FOXF2: variants seen among roughly 807,000 people sequenced by gnomAD.
FOXF2 encodes the protein forkhead box F2.
Under a neutral mutation model 29.1 loss-of-function variants are expected in FOXF2, and 15 were observed. That is an observed-to-expected ratio of 0.52 (90% CI 0.35 to 0.79). FOXF2 has a LOEUF of 0.79. Ranked by LOEUF, FOXF2 falls within the 30% of genes least tolerant of loss-of-function variation. FOXF2 has a pLI of 0.01. For missense variants in FOXF2, 675 were observed against 667.1 expected (o/e 1.01, Z -0.13); for synonymous variants, 337 against 316.5 (o/e 1.06, Z -0.69).
Position 1,390,845 on chromosome 6 carries a change from G to A in FOXF2, c.898G>A (p.Ala300Thr). ...CGCGGGACCCGGGGGCGTCGGTGCG[G>A]CCGGGGGCGGCGGCGGCGGCGACTA... ...VPAGPGGVGAAGGGGGGDYGP... is the reference protein window; with the variant it reads ...VPAGPGGVGATGGGGGGDYGP... The change falls in exon 1 of 2, where the codon GCC becomes ACC. Residue 300 changes from alanine to threonine, a missense_variant. Physicochemically the swap from Ala to Thr is moderately conservative, Grantham distance 58. This residue lies in a region of FOXF2 where 451 missense variants were observed against 437.2 expected (regional missense o/e 1.03). Transcript: ENST00000645481. The surrounding 1 kb of genome is among the most constrained non-coding windows in gnomAD (Gnocchi z 8.5). The A allele has an allele frequency of 2.2e-6, 3 of 1,389,368 alleles. No homozygotes were observed. Among genetic ancestry groups the A allele is most frequent in the Non-Finnish European group, 2.8e-6 (3 of 1,089,320 alleles). The allele number at this position is 1,389,368 out of a possible 1,614,324, so 86.1% of individuals were successfully genotyped here.
chr6:1,395,191 AAGC>A lies in FOXF2; in HGVS notation c.*335_*337del, dbSNP rs920327986. The A allele has an allele frequency of 1.1e-5, 4 of 373,564 alleles. No individual in the cohort carries two copies. Among genetic ancestry groups the A allele is most frequent in the African/African-American group, 4.1e-5 (2 of 48,908 alleles). The allele number at this position is 373,564 out of a possible 1,614,324, so 23.1% of individuals were successfully genotyped here. A position where few individuals can be genotyped will look rare whatever the true frequency, so the allele number is the denominator to read the frequency against. ...GCCTTCAGTAATCAGGGTGTGAAAA[AAGC>A]AGACAAGTTGTGTGTGTGTGTGTGT... On this transcript the variant is annotated 3_prime_UTR_variant, in exon 2 of 2. Coordinates refer to ENST00000645481, the MANE Select transcript of FOXF2 (RefSeq NM_001452.2).
chr6:1,391,288 C>T (rs940949249), intron 1 of FOXF2, among the ~76,000 whole-genome samples, 170 bp downstream of exon 1: 3 of 152,218 alleles, frequency 2.0e-5, no homozygotes, highest in Non-Finnish European at 4.4e-5. Context: ...GAGCAGGGAT[C>T]AGGGTCTTAC....
intron 1 of FOXF2, among the ~76,000 whole-genome samples, chr6:1,392,446 A>T (rs941965047): frequency 1.2e-4 from 17 of 146,016 alleles, no homozygotes; most frequent in African/African-American, 2.1e-4. Flanking sequence ...ACACACACAC[A>T]CACACACACA....
Position 1,390,137 on chromosome 6 carries a change from A to G in FOXF2, c.190A>G (p.Asn64Asp). The change falls in exon 1 of 2, where the codon AAT (asparagine) becomes GAT (aspartate). Residue 64 changes from asparagine to aspartate, a missense_variant. By Grantham distance (23) the Asn-to-Asp change is conservative (BLOSUM62 1). Around this residue, in one of 3 missense-constraint regions of FOXF2, gnomAD observed 220 missense variants for 205.5 expected, o/e 1.07. Transcript: ENST00000645481. This position sits in a 1 kb window ranked among gnomAD's most constrained non-coding sequence, Gnocchi z 8.5. ...CTGCGCCTCGTCCTCGTCCTCCTCCAATTCGGCCAGCGCCCCCTCGGCTGC... is the reference window on the plus strand; with the variant it reads ...CTGCGCCTCGTCCTCGTCCTCCTCCGATTCGGCCAGCGCCCCCTCGGCTGC... ...ASCASSSSSSNSASAPSAACK... is the reference protein window; with the variant it reads ...ASCASSSSSSDSASAPSAACK... 6.9e-7 allele frequency: 1 copy of G among 1,448,758 alleles called. No individual in the cohort carries two copies. The highest frequency in any genetic ancestry group is 9.2e-7 in the Non-Finnish European group (1 of 1,086,350). The allele number at this position is 1,448,758 out of a possible 1,614,324, so 89.7% of individuals were successfully genotyped here. A position where few individuals can be genotyped will look rare whatever the true frequency, so the allele number is the denominator to read the frequency against.
At chr6:1,394,378 C>T (rs1445653902) in intron 1 of FOXF2, among the ~76,000 whole-genome samples, 1 of 152,142 alleles carries the variant, frequency 6.6e-6, no homozygotes, top group Non-Finnish European at 1.5e-5. Context: ...GGTACCTGTG[C>T]TCATTCTGAG....
chr6:1,393,018 A>G (rs1029811819), intron 1 of FOXF2, among the ~76,000 whole-genome samples: 2 of 152,094 alleles, frequency 1.3e-5, no homozygotes, highest in Non-Finnish European at 2.9e-5. Context: ...GAGGCTTCGG[A>G]GGAGCCGGCC....
At chr6:1,392,434 TCACACACACACACA>T (rs71738664) in intron 1 of FOXF2, among the ~76,000 whole-genome samples, 34 of 107,772 alleles carry the variant, frequency 3.2e-4, no homozygotes, top group African/African-American at 8.8e-4. Context: ...CGGCTGTCAA[TCACACACACACACA>T]CACACACACA....
chr6:1,390,354 TCTTC>T lies in FOXF2; in HGVS notation c.409_412del (p.Phe137AlafsTer74). The T allele has an allele frequency of 6.2e-7, 1 of 1,612,988 alleles. No homozygotes were observed. Among genetic ancestry groups the T allele is most frequent in the Non-Finnish European group, 8.5e-7 (1 of 1,179,918 alleles). On this transcript the variant is annotated frameshift_variant, in exon 1 of 2. Coordinates refer to ENST00000645481, the MANE Select transcript of FOXF2 (RefSeq NM_001452.2). LOFTEE classifies it high-confidence loss of function. This position sits in a 1 kb window ranked among gnomAD's most constrained non-coding sequence, Gnocchi z 8.5. ...CAGTTCCTGCAGGCGCGCTTCCCCT[TCTTC>T]CGCGGCGCCTACCAGGGCTGGAAGA...
chr6:1,390,618 G>A lies in FOXF2; in HGVS notation c.671G>A (p.Gly224Asp), dbSNP rs1249302159. 4 of 1,588,726 alleles carry A rather than the reference G, an allele frequency of 2.5e-6. No individual in the cohort carries two copies. The South Asian group carries it at 4.5e-5, about 18-fold the overall frequency. Residue 224 changes from glycine to aspartate, a missense_variant, in exon 1 of 2, where the codon GGC becomes GAC. Physicochemically the swap from Gly to Asp is moderately conservative, Grantham distance 94. Coordinates refer to ENST00000645481, the MANE Select transcript of FOXF2 (RefSeq NM_001452.2). The surrounding 1 kb of genome is among the most constrained non-coding windows in gnomAD (Gnocchi z 8.5). ...TTCGGGGCGTCGCTGCTGCCCCAGG[G>A]CTTCGACTTCCAGGCGCCCCCGTCG... The part of the protein sequence containing the change: ...LGFGASLLPQ[G>D]FDFQAPPSAP...
rs199884034 is a variant in FOXF2, at chr6:1,390,647, C to A, written c.700C>A (p.Pro234Thr). 1,003 of 1,572,328 alleles carry A rather than the reference C, an allele frequency of 6.4e-4. 8 individuals are homozygous for A. In the African/African-American group the frequency reaches 0.01, roughly 16 times the overall value. ...CGACTTCCAGGCGCCCCCGTCGGCG[C>A]CGCTCGGCTGCCACAGCCAGGGCGG... ...GFDFQAPPSA[P>T]LGCHSQGGYG... The change falls in exon 1 of 2, where the codon CCG (proline) becomes ACG (threonine). Residue 234 changes from proline to threonine, a missense_variant. Pro to Thr is a conservative substitution (Grantham distance 38, BLOSUM62 -1). This residue lies in a region of FOXF2 where 451 missense variants were observed against 437.2 expected (regional missense o/e 1.03). Coordinates refer to ENST00000645481, the MANE Select transcript of FOXF2 (RefSeq NM_001452.2). This position sits in a 1 kb window ranked among gnomAD's most constrained non-coding sequence, Gnocchi z 8.5.
intron 1 of FOXF2, among the ~76,000 whole-genome samples, chr6:1,393,250 C>A (rs1254694187): frequency 1.3e-5 from 2 of 152,064 alleles, no homozygotes; most frequent in Non-Finnish European, 2.9e-5. Flanking sequence ...CCCCTGCCGG[C>A]GCAGGGGCTG....
chr6:1,390,488 G>A lies in FOXF2; in HGVS notation c.541G>A (p.Glu181Lys), dbSNP rs1758759403. The A allele has an allele frequency of 6.2e-7, 1 of 1,611,970 alleles. No individual in the cohort carries two copies. Reference protein sequence around the residue: ...GHYWTIDPASEFMFEEGSFRR... With the variant: ...GHYWTIDPASKFMFEEGSFRR... ...CTACTGGACCATCGACCCGGCCAGC[G>A]AGTTCATGTTCGAGGAGGGCTCGTT... Residue 181 changes from glutamate (E) to lysine (K), a missense_variant, in exon 1 of 2, where the codon GAG (glutamate) becomes AAG (lysine). Glu to Lys is a moderately conservative substitution (Grantham distance 56). Around this residue, in one of 3 missense-constraint regions of FOXF2, gnomAD observed 451 missense variants for 437.2 expected, o/e 1.03. Transcript: ENST00000645481. This position sits in a 1 kb window ranked among gnomAD's most constrained non-coding sequence, Gnocchi z 8.5.
In FOXF2 at chr6:1,390,255, A is replaced by G. The variant is rs1561784341; in HGVS notation, c.308A>G (p.Tyr103Cys). Residue 103 changes from tyrosine to cysteine, a missense_variant, in exon 1 of 2, where the codon TAC (tyrosine) becomes TGC (cysteine). Around this residue, in one of 3 missense-constraint regions of FOXF2, gnomAD observed 220 missense variants for 205.5 expected, o/e 1.07. Coordinates refer to ENST00000645481, the MANE Select transcript of FOXF2 (RefSeq NM_001452.2). The surrounding 1 kb of genome is among the most constrained non-coding windows in gnomAD (Gnocchi z 8.5). ...SGLRRPEKPP[Y>C]SYIALIVMAI... ...CTGCGGCGGCCCGAGAAGCCGCCCT[A>G]CTCGTACATCGCGCTCATCGTCATG... 1 of 1,610,124 alleles carries G rather than the reference A, an allele frequency of 6.2e-7. No individual in the cohort carries two copies. Among genetic ancestry groups the G allele is most frequent in the Non-Finnish European group, 8.5e-7 (1 of 1,179,364 alleles).
intron 1 of FOXF2, among the ~76,000 whole-genome samples, chr6:1,391,470 G>C (rs1364023436): frequency 6.6e-6 from 1 of 152,208 alleles, no homozygotes; most frequent in Non-Finnish European, 1.5e-5. Flanking sequence ...CTGGCCTTTG[G>C]GGAACTTGGT....
intron 1 of FOXF2, among the ~76,000 whole-genome samples, chr6:1,394,460 AACTT>A (rs1216226624): frequency 1.3e-5 from 2 of 152,116 alleles, no homozygotes; most frequent in African/African-American, 4.8e-5. Flanking sequence ...CTCGAGGGGG[AACTT>A]GCTCTGTGTT....
Position 1,394,933 on chromosome 6 carries a change from T to G in FOXF2, c.*74T>G. 1 of 1,494,290 alleles carries G rather than the reference T, an allele frequency of 6.7e-7. No individual in the cohort carries two copies. The highest frequency in any genetic ancestry group is 9.3e-7 in the Non-Finnish European group (1 of 1,073,912). The allele number at this position is 1,494,290 out of a possible 1,614,324, so 92.6% of individuals were successfully genotyped here. A position where few individuals can be genotyped will look rare whatever the true frequency, so the allele number is the denominator to read the frequency against. On this transcript the variant is annotated 3_prime_UTR_variant, in exon 2 of 2. Transcript: ENST00000645481. ...GGGGGCAGATAGAAACTGGGACGGA[T>G]TCAAGTCACATGCACGCGGATAGCA...
rs769821909 is a variant in FOXF2, at chr6:1,390,080, A to ACCT, written c.144_146dup (p.Ser53dup). 1.9e-5 allele frequency: 27 copies of ACCT among 1,411,762 alleles called. No individual in the cohort carries two copies. Among genetic ancestry groups the ACCT allele is most frequent in the Admixed American group, 2.5e-5 (1 of 40,334 alleles). 87.5% of individuals were successfully genotyped at this position (1,411,762 alleles called of 1,614,324 possible). A position where few individuals can be genotyped will look rare whatever the true frequency, so the allele number is the denominator to read the frequency against. The stretch of plus-strand genomic sequence containing the variant: ...CGCCGCCGCCGCCGCCCCGGAGACC[A>ACCT]CCTCCTCCTCCTCGTCGTCGTCCTC... On this transcript the variant is annotated inframe_insertion, in exon 1 of 2. Transcript: ENST00000645481. The surrounding 1 kb of genome is among the most constrained non-coding windows in gnomAD (Gnocchi z 8.5).
At position 1,389,863 on chromosome 6, in the gene FOXF2, G is replaced by A; in HGVS notation, c.-85G>A. 1 of 354,720 alleles carries A rather than the reference G, an allele frequency of 2.8e-6. No individual in the cohort carries two copies. Among genetic ancestry groups the A allele is most frequent in the African/African-American group, 2.2e-5 (1 of 44,704 alleles). The allele number at this position is 354,720 out of a possible 1,614,324, so 22.0% of individuals were successfully genotyped here. On this transcript the variant is annotated 5_prime_UTR_variant, in exon 1 of 2. Coordinates refer to ENST00000645481, the MANE Select transcript of FOXF2 (RefSeq NM_001452.2). ...CGGGCGGCGGGCTAGGGCGCTCGCA[G>A]GGCTTCTGGGCCGACCCCGCTCCGG...
In FOXF2 at chr6:1,390,818, C is replaced by A; in HGVS notation, c.871C>A (p.Pro291Thr). The stretch of plus-strand genomic sequence containing the variant: ...CACCTACATGGCCAGCTGCCCGGTG[C>A]CCGCGGGACCCGGGGGCGTCGGTGC... ...GSTYMASCPV[P>T]AGPGGVGAAG... is the part of the protein sequence containing the mutation. The change falls in exon 1 of 2, where the codon CCC (proline) becomes ACC (threonine). Residue 291 changes from proline (P) to threonine (T), a missense_variant. Transcript: ENST00000645481. This position sits in a 1 kb window ranked among gnomAD's most constrained non-coding sequence, Gnocchi z 8.5. The A allele has an allele frequency of 5.8e-6, 8 of 1,387,166 alleles. No homozygotes were observed. Among genetic ancestry groups the A allele is most frequent in the Non-Finnish European group, 7.4e-6 (8 of 1,083,114 alleles). 85.9% of individuals were successfully genotyped at this position (1,387,166 alleles called of 1,614,324 possible). A position where few individuals can be genotyped will look rare whatever the true frequency, so the allele number is the denominator to read the frequency against.
Sources: allele counts gnomAD v4.1 joint callset (sites outside exome capture counted in the v4.1 genomes callset), GRCh38; gene constraint gnomAD v4.1.1; regional missense constraint gnomAD v4.1.1; non-coding constraint Gnocchi (gnomAD v3.1); transcripts MANE v1.5; gene names NCBI Gene and HGNC (gene_info 2026-07-23, HGNC 2026-07-21).